The following NACC2 variants were observed in gnomAD, a reference collection of about 807,000 sequenced individuals.
NACC2 encodes the protein NACC family member 2.
In NACC2, 8 loss-of-function variants were observed where a neutral mutation model predicts 25.1. The observed-to-expected ratio is 0.32, with a 90% CI of 0.19 to 0.57. The LOEUF (loss-of-function observed/expected upper bound fraction) is 0.57, where lower values mean the gene tolerates loss of function less well. Ranked by LOEUF, NACC2 falls within the 20% of genes least tolerant of loss-of-function variation. NACC2 has a pLI of 0.89. For synonymous variants in NACC2, 435 were observed against 294.7 expected (o/e 1.48, Z -4.88); for missense variants, 644 against 650.2 (o/e 0.99, Z 0.10).
chr9:136,071,160 G>A (rs1055039554), intron 1 of NACC2, among the ~76,000 whole-genome samples: 1 of 151,708 alleles, frequency 6.6e-6, no homozygotes, highest in African/African-American at 2.4e-5. Context: ...TTGAACCTGG[G>A]AGGCAGACGT....
In NACC2 at chr9:136,020,291, T is replaced by C. The variant is rs1216149431; in HGVS notation, c.887-3862A>G. ...TTTTCTCAACTCCCTGGGTTACTGA[T>C]TGGGTTCTGAGGTGCTCCACGTCCT... On this transcript the variant is annotated intron_variant, in intron 2 of 5. Coordinates refer to ENST00000277554, the MANE Select transcript of NACC2 (RefSeq NM_144653.5). The surrounding 1 kb of genome is among the most constrained non-coding windows in gnomAD (Gnocchi z 4.7). 6.6e-6 allele frequency among the ~76,000 whole-genome samples: 1 copy of C among 152,142 alleles called. No individual in the cohort carries two copies. The highest frequency in any genetic ancestry group is 1.9e-4 in the East Asian group (1 of 5,194).
chr9:136,046,040 G>A (rs1303146705), intron 2 of NACC2, among the ~76,000 whole-genome samples: 18 of 152,210 alleles, frequency 1.2e-4, no homozygotes, highest in East Asian at 1.9e-4. Flanking sequence ...GAATGAAGGC[G>A]GGTACGCGAG....
At chr9:136,036,407 A>G (rs1014784075) in intron 2 of NACC2, among the ~76,000 whole-genome samples, 9 of 152,254 alleles carry the variant, frequency 5.9e-5, no homozygotes, top group Non-Finnish European at 1.0e-4. Context: ...GAGAAGAAAA[A>G]TCAGTAAACA....
At chr9:136,017,440 C>T (rs563554030) in intron 2 of NACC2, among the ~76,000 whole-genome samples, 14 of 152,170 alleles carry the variant, frequency 9.2e-5, no homozygotes, top group African/African-American at 2.4e-4. Flanking sequence ...ACCAGGTGCG[C>T]GGGGCCAAGG....
chr9:136,061,602 C>A (rs191308422), intron 1 of NACC2, among the ~76,000 whole-genome samples: 3 of 152,122 alleles, frequency 2.0e-5, no homozygotes, highest in Admixed American at 1.3e-4. Flanking sequence ...AGACCCTGTG[C>A]GGCTCACACC....
chr9:136,071,669 TG>T (rs1381845592), intron 1 of NACC2, among the ~76,000 whole-genome samples: 1 of 151,402 alleles, frequency 6.6e-6, no homozygotes, highest in African/African-American at 2.4e-5. Context: ...GAGAATTAAG[TG>T]GGAGAAATCA....
In NACC2 at chr9:136,087,157, C is replaced by T. The variant is rs182807570; in HGVS notation, c.-60+8032G>A. Among the ~76,000 whole-genome samples, 55 of 152,338 alleles carry T rather than the reference C, an allele frequency of 3.6e-4. No individual in the cohort carries two copies. In the East Asian group the frequency reaches 9.8e-3, roughly 27 times the overall value. On this transcript the variant is annotated intron_variant, in intron 1 of 5. Transcript: ENST00000277554. The stretch of plus-strand genomic sequence containing the variant: ...CAAGAAAGGCCCAGGACAGTGGCAG[C>T]CTTGGGAGCTGGAGGGCGGCATGTG...
chr9:136,078,541 C>T (rs373053577), intron 1 of NACC2, among the ~76,000 whole-genome samples: 2 of 152,186 alleles, frequency 1.3e-5, no homozygotes, highest in African/African-American at 2.4e-5. Context: ...GGACGTGGCC[C>T]GCTCACTGGC....
At chr9:136,085,945 T>G (rs1830374958) in intron 1 of NACC2, among the ~76,000 whole-genome samples, 1 of 150,852 alleles carries the variant, frequency 6.6e-6, no homozygotes, top group Non-Finnish European at 1.5e-5. Context: ...GCCCGGAGGC[T>G]GGGCACTGCA....
intron 2 of NACC2, among the ~76,000 whole-genome samples, chr9:136,025,999 G>A (rs1295840777): frequency 1.3e-5 from 2 of 152,156 alleles, no homozygotes; most frequent in Non-Finnish European, 2.9e-5. Flanking sequence ...GATGAGATTT[G>A]TGAACTGGAA....
At chr9:136,053,172 T>C (rs1176423819) in intron 1 of NACC2, among the ~76,000 whole-genome samples, 1 of 152,180 alleles carries the variant, frequency 6.6e-6, no homozygotes, top group Non-Finnish European at 1.5e-5. Context: ...GACACAGCCC[T>C]GCCCCTCACT....
intron 2 of NACC2, among the ~76,000 whole-genome samples, chr9:136,026,912 AAGTC>A (rs1386722739): frequency 6.6e-6 from 1 of 152,240 alleles, no homozygotes; most frequent in Non-Finnish European, 1.5e-5. Flanking sequence ...CGTGAAATGA[AAGTC>A]AAAACACTCC....
rs139534285 is a variant in NACC2, at chr9:136,011,861, G to T, written c.1419C>A (p.Ala473=). 58 of 1,563,544 alleles carry T rather than the reference G, an allele frequency of 3.7e-5. No homozygotes were observed. Among genetic ancestry groups the T allele is most frequent in the Non-Finnish European group, 4.8e-5 (56 of 1,158,128 alleles). ...VEMYRTVMGS[A]AASVPLDPEF... is the part of the protein sequence containing the mutation. ...CGGGGTCGAGGGGCACGCTGGCGGC[G>T]GCGGAGCCCATGACCGTGCGGTACA... is the stretch of plus-strand genomic sequence containing the variant. The change falls in exon 6 of 6, where the codon GCC becomes GCA. Residue 473 remains alanine, a synonymous_variant. Coordinates refer to ENST00000277554, the MANE Select transcript of NACC2 (RefSeq NM_144653.5).
intron 5 of NACC2, among the ~76,000 whole-genome samples, 187 bp from the exon 6 acceptor site, chr9:136,012,211 G>A (rs990141055): frequency 1.3e-5 from 2 of 152,240 alleles, no homozygotes; most frequent in African/African-American, 4.8e-5. Context: ...CTCGGCCTGG[G>A]AGGCCTCCCC....
intron 3 of NACC2, among the ~76,000 whole-genome samples, chr9:136,014,241 G>A (rs1840162288): frequency 6.6e-6 from 1 of 151,850 alleles, no homozygotes. Context: ...TCCCCAACGA[G>A]CCCCAAACTC....
chr9:136,012,382 C>T (rs949124657), intron 5 of NACC2, among the ~76,000 whole-genome samples: 2 of 152,248 alleles, frequency 1.3e-5, no homozygotes, highest in Non-Finnish European at 2.9e-5. Context: ...AATAACACAC[C>T]CCTCCCCGTC....
intron 2 of NACC2, among the ~76,000 whole-genome samples, chr9:136,023,334 G>A (rs975288217): frequency 7.9e-5 from 12 of 151,880 alleles, no homozygotes; most frequent in African/African-American, 2.7e-4. Context: ...CCTGCAGCCC[G>A]CCAGGGCACC....
chr9:136,087,429 C>A (rs560587716), intron 1 of NACC2, among the ~76,000 whole-genome samples: 1 of 152,356 alleles, frequency 6.6e-6, no homozygotes, highest in South Asian at 2.1e-4. Flanking sequence ...ACCCTGCCCT[C>A]CTGGAGCTGG....
intron 1 of NACC2, among the ~76,000 whole-genome samples, chr9:136,089,065 C>T (rs558380315): frequency 6.6e-6 from 1 of 152,358 alleles, no homozygotes; most frequent in East Asian, 1.9e-4. Flanking sequence ...CACACAGACA[C>T]GAAATCTGTC....
Sources: gnomAD v4.1 joint callset for allele counts (sites outside exome capture counted in the v4.1 genomes callset) on GRCh38, gnomAD v4.1.1 for gene constraint, Gnocchi (gnomAD v3.1) non-coding constraint, MANE v1.5 for transcripts, NCBI Gene and HGNC (gene_info 2026-07-23, HGNC 2026-07-21) for gene names.